TRIM22: variants seen among roughly 807,000 people sequenced by gnomAD.
TRIM22 encodes the protein tripartite motif containing 22.
A neutral mutation model predicts 53.6 loss-of-function variants in TRIM22; 45 were observed. The observed-to-expected ratio is 0.84, with a 90% CI of 0.66 to 1.08. The LOEUF (loss-of-function observed/expected upper bound fraction) is 1.08, where lower values mean the gene tolerates loss of function less well. TRIM22 is among the 50% of genes least tolerant of loss of function. The pLI is 0.00. For synonymous variants in TRIM22, 225 were observed against 216.6 expected (o/e 1.04, Z -0.34); for missense variants, 616 against 590.9 (o/e 1.04, Z -0.44).
intron 4 of TRIM22, among the ~76,000 whole-genome samples, chr11:5,704,855 G>A (rs1853434703): frequency 1.3e-5 from 2 of 152,118 alleles, no homozygotes; most frequent in African/African-American, 4.8e-5. Flanking sequence ...ATTGTGCCCT[G>A]TTTCACAAAC....
At chr11:5,707,936 G>C (rs1319395218) in intron 5 of TRIM22, among the ~76,000 whole-genome samples, 3 of 152,194 alleles carry the variant, frequency 2.0e-5, no homozygotes, top group Non-Finnish European at 2.9e-5. Context: ...GAACATCGTT[G>C]AAGTGAAGAC....
At chr11:5,700,235 G>A (rs960418457) in intron 4 of TRIM22, among the ~76,000 whole-genome samples, 1 of 151,632 alleles carries the variant, frequency 6.6e-6, no homozygotes, top group Non-Finnish European at 1.5e-5. Context: ...TAATTCTCCT[G>A]CCTCAGCCTC....
chr11:5,709,206 C>T lies in TRIM22; in HGVS notation c.1055C>T (p.Ser352Leu), dbSNP rs775271050. The T allele has an allele frequency of 1.2e-4, 187 of 1,613,974 alleles. 2 individuals carry two copies. The South Asian group carries it at 1.2e-3, about 10-fold the overall frequency. Residue 352 changes from serine to leucine, a missense_variant, in exon 8 of 8, where the codon TCG (serine) becomes TTG (leucine). Coordinates refer to ENST00000379965, the MANE Select transcript of TRIM22 (RefSeq NM_006074.5). ...FGVFGCQYFS[S>L]GKYYWEVDVS... ...GTCTTCGGCTGCCAATATTTCTCTT[C>T]GGGGAAATATTACTGGGAAGTAGAT... is the stretch of plus-strand genomic sequence containing the variant.
At chr11:5,694,580 T>C (rs1564939466) in intron 1 of TRIM22, among the ~76,000 whole-genome samples, 1 of 152,196 alleles carries the variant, frequency 6.6e-6, no homozygotes, top group Non-Finnish European at 1.5e-5. Context: ...AAGGAGGACC[T>C]TGGGGACAAT....
intron 4 of TRIM22, among the ~76,000 whole-genome samples, chr11:5,704,537 C>A (rs1157275843): frequency 2.6e-5 from 4 of 152,166 alleles, no homozygotes; most frequent in African/African-American, 7.2e-5. Flanking sequence ...CCTTATCAGA[C>A]ATATAATTTG....
chr11:5,705,445 T>G (rs982062891), intron 4 of TRIM22, among the ~76,000 whole-genome samples: 4 of 152,232 alleles, frequency 2.6e-5, no homozygotes, highest in African/African-American at 7.2e-5. Context: ...AAAATTATAC[T>G]TGACCCCTTG....
intron 1 of TRIM22, among the ~76,000 whole-genome samples, chr11:5,690,588 G>C (rs1036313209): frequency 6.6e-6 from 1 of 152,144 alleles, no homozygotes; most frequent in Non-Finnish European, 1.5e-5. Flanking sequence ...AGAAAGGAAA[G>C]AGAAGAGAAG....
Position 5,704,527 on chromosome 11 carries a change from C to T in TRIM22, c.751-2067C>T, listed in dbSNP as rs144458292. Among the ~76,000 whole-genome samples, 228 of 152,202 alleles carry T rather than the reference C, an allele frequency of 1.5e-3. 1 individual carries two copies. Among genetic ancestry groups the T allele is most frequent in the African/African-American group, 5.2e-3 (216 of 41,548 alleles). On this transcript the variant is annotated intron_variant, in intron 4 of 7. Coordinates refer to ENST00000379965, the MANE Select transcript of TRIM22 (RefSeq NM_006074.5). ...CATTTATAGATTCTGGATATTAATA[C>T]CTTATCAGACATATAATTTGTAAAT... is the stretch of plus-strand genomic sequence containing the variant.
intron 5 of TRIM22, among the ~76,000 whole-genome samples, chr11:5,707,441 C>G (rs777070205): frequency 6.6e-6 from 1 of 152,178 alleles, no homozygotes; most frequent in Non-Finnish European, 1.5e-5. Flanking sequence ...CTGGCCTCTT[C>G]CTGGTGGACC....
chr11:5,705,550 G>C (rs1853445283), intron 4 of TRIM22, among the ~76,000 whole-genome samples: 1 of 152,112 alleles, frequency 6.6e-6, no homozygotes, highest in Non-Finnish European at 1.5e-5. Flanking sequence ...CTATTTCTGA[G>C]GGTGTGAAGT....
chr11:5,708,050 C>A, intron 5 of TRIM22, 123 bp from the exon 6 acceptor site: 1 of 722,580 alleles, frequency 1.4e-6, no homozygotes, highest in Non-Finnish European at 2.4e-6. Flanking sequence ...CTCCCCTCTA[C>A]TGTCCTCAGG....
At chr11:5,708,944 A>G in intron 7 of TRIM22, 109 bp from the exon 8 acceptor site, 4 of 870,640 alleles carry the variant, frequency 4.6e-6, no homozygotes, top group Non-Finnish European at 7.2e-6. Flanking sequence ...CTATCAACAC[A>G]AGTTCCGTTT....
At chr11:5,697,369 T>C (rs747853537) in intron 3 of TRIM22, 26 bp downstream of exon 3, 2 of 1,566,330 alleles carry the variant, frequency 1.3e-6, no homozygotes, top group Admixed American at 3.5e-5. Context: ...TCCTAAGGGA[T>C]AATTAGACAG....
intron 5 of TRIM22, among the ~76,000 whole-genome samples, chr11:5,707,929 C>T (rs1228822239): frequency 6.6e-6 from 1 of 152,172 alleles, no homozygotes; most frequent in Admixed American, 6.6e-5. Flanking sequence ...AGAAAGCGAA[C>T]ATCGTTGAAG....
chr11:5,707,994 G>A (rs1423128858), intron 5 of TRIM22, among the ~76,000 whole-genome samples, 179 bp from the exon 6 acceptor site: 2 of 152,180 alleles, frequency 1.3e-5, no homozygotes, highest in Non-Finnish European at 2.9e-5. Context: ...ATTACACACA[G>A]ACAGGTAGAC....
intron 5 of TRIM22, among the ~76,000 whole-genome samples, chr11:5,707,134 C>T (rs1464635451): frequency 3.3e-5 from 5 of 152,100 alleles, no homozygotes; most frequent in Admixed American, 6.5e-5. Context: ...CATACTTTAC[C>T]GTCTTGTAGG....
Position 5,709,479 on chromosome 11 carries a change from T to C in TRIM22, c.1328T>C (p.Ile443Thr), listed in dbSNP as rs954705780. The change falls in exon 8 of 8, where the codon ATT becomes ACT. Residue 443 changes from isoleucine (I) to threonine (T), a missense_variant. Physicochemically the swap from Ile to Thr is moderately conservative, Grantham distance 89 (BLOSUM62 -1). Coordinates refer to ENST00000379965, the MANE Select transcript of TRIM22 (RefSeq NM_006074.5). ...TLFMAVPPCR[I>T]GVFLDYEAGI... is the part of the protein sequence containing the mutation. ...TTTATGGCTGTGCCTCCCTGTCGTA[T>C]TGGGGTTTTCCTAGACTATGAGGCA... The C allele has an allele frequency of 8.7e-6, 14 of 1,614,112 alleles. No individual in the cohort carries two copies. The highest frequency in any genetic ancestry group is 1.1e-5 in the Non-Finnish European group (13 of 1,180,046).
chr11:5,704,306 G>C (rs1412267675), intron 4 of TRIM22, among the ~76,000 whole-genome samples: 1 of 150,752 alleles, frequency 6.6e-6, no homozygotes, highest in African/African-American at 2.4e-5. Context: ...GTTGACCTTA[G>C]TGGTGAAACC....
rs752293738 is a variant in TRIM22 at position 5,698,473 on chromosome 11, G to A, written c.678G>A (p.Gln226=). ...CAGCTACAGACCAGCTGGTCCAGCA[G>A]AGGCAGGATGCCAGCACGCTCATCT... ...LAAATDQLVQ[Q]RQDASTLISD... is the part of the protein sequence containing the mutation. Residue 226 remains glutamine, a synonymous_variant, in exon 4 of 8, where the codon CAG becomes CAA. Transcript: ENST00000379965. 1.2e-6 allele frequency: 2 copies of A among 1,614,100 alleles called. No homozygotes were observed. Among genetic ancestry groups the A allele is most frequent in the Non-Finnish European group, 1.7e-6 (2 of 1,179,960 alleles).
Sources: gnomAD v4.1 joint callset for allele counts (sites outside exome capture counted in the v4.1 genomes callset) on GRCh38, gnomAD v4.1.1 for gene constraint, MANE v1.5 for transcripts, NCBI Gene and HGNC (gene_info 2026-07-23, HGNC 2026-07-21) for gene names.